Variants in RIMS2 observed in about 807,000 individuals in gnomAD.
RIMS2 encodes the protein regulating synaptic membrane exocytosis 2.
A neutral mutation model predicts 174.4 loss-of-function variants in RIMS2; 59 were observed. The observed-to-expected ratio is 0.34, with a 90% CI of 0.27 to 0.42. The LOEUF is 0.42. Ranked by LOEUF, RIMS2 falls within the 10% of genes least tolerant of loss-of-function variation. RIMS2 has a pLI of 1.00. For missense variants in RIMS2, 1,620 were observed against 1,666.3 expected, an observed-to-expected ratio of 0.97 and a Z score of 0.48; for synonymous variants, 606 against 572.5, an observed-to-expected ratio of 1.06 and a Z score of -0.84.
At chr8:103,975,126 T>G (rs909364900) in intron 15 of RIMS2, among the ~76,000 whole-genome samples, 2 of 152,196 alleles carry the variant, frequency 1.3e-5, no homozygotes, top group African/African-American at 4.8e-5. Flanking sequence ...CACAATGCCT[T>G]GGATATAGTA....
At chr8:103,768,156 G>A (rs1160463963) in intron 3 of RIMS2, 2 of 342,762 alleles carry the variant, frequency 5.8e-6, no homozygotes, top group Non-Finnish European at 5.6e-6. Context: ...TAATGGTCAA[G>A]GTATATGAAA....
chr8:103,527,823 C>G (rs1230670389), intron 1 of RIMS2, among the ~76,000 whole-genome samples: 1 of 152,318 alleles, frequency 6.6e-6, no homozygotes, highest in East Asian at 1.9e-4. Flanking sequence ...CAAGTCTTTG[C>G]TATTGTGAAT....
chr8:104,199,945 A>G (rs1173076324), intron 19 of RIMS2, among the ~76,000 whole-genome samples: 2 of 152,204 alleles, frequency 1.3e-5, no homozygotes, highest in Non-Finnish European at 2.9e-5. Context: ...GAAAGGAGGT[A>G]GGGAATGGCA....
intron 4 of RIMS2, among the ~76,000 whole-genome samples, chr8:103,903,879 G>A (rs1038715871): frequency 3.3e-5 from 5 of 152,140 alleles, no homozygotes; most frequent in Admixed American, 6.6e-5. Context: ...AAGTTGGAAA[G>A]ATAGTTCAGT....
Position 104,212,389 on chromosome 8 carries a change from G to A in RIMS2, c.3335-32527G>A, listed in dbSNP as rs936304039. 1.6e-4 allele frequency among the ~76,000 whole-genome samples: 25 copies of A among 152,060 alleles called. No individual in the cohort carries two copies. The East Asian group carries it at 4.4e-3, about 27-fold the overall frequency. On this transcript the variant is annotated intron_variant, in intron 19 of 23. Coordinates refer to ENST00000504942, the Ensembl canonical transcript of RIMS2. ...TTTTAAGAGGATGCCACAAAGATAG[G>A]AAGAAAACTTACAAGAATGTAATCC...
chr8:103,991,252 G>A (rs2094678133), intron 17 of RIMS2, among the ~76,000 whole-genome samples: 1 of 151,412 alleles, frequency 6.6e-6, no homozygotes, highest in African/African-American at 2.4e-5. Context: ...CTCTTTTAGA[G>A]CACTGTCAAT....
chr8:103,587,425 AAAGAAAG>A (rs2093995282), intron 1 of RIMS2, among the ~76,000 whole-genome samples: 1 of 113,462 alleles, frequency 8.8e-6, no homozygotes, highest in Non-Finnish European at 1.9e-5. Flanking sequence ...AGAAAGAAAG[AAAGAAAG>A]AAAGAAAGAA....
In RIMS2 at chr8:103,795,534, C is replaced by G. The variant is rs568444179; in HGVS notation, c.698+28997C>G. The stretch of plus-strand genomic sequence containing the variant: ...ACATGGCACATGTGTACATGTATAA[C>G]AAACCTGCACGTTGTGTACATGTAT... On this transcript the variant is annotated intron_variant, in intron 3 of 23. Transcript: ENST00000504942. 5.3e-5 allele frequency among the ~76,000 whole-genome samples: 8 copies of G among 152,106 alleles called. No homozygotes were observed. In the East Asian group the frequency reaches 1.5e-3, roughly 29 times the overall value.
At chr8:103,602,321 G>A (rs1180637401) in intron 1 of RIMS2, among the ~76,000 whole-genome samples, 2 of 152,114 alleles carry the variant, frequency 1.3e-5, no homozygotes, top group African/African-American at 2.4e-5. Flanking sequence ...TTATTTTTAG[G>A]TTTGGGGTTA....
intron 1 of RIMS2, among the ~76,000 whole-genome samples, chr8:103,546,810 G>A (rs953733684): frequency 2.6e-5 from 4 of 152,152 alleles, no homozygotes; most frequent in East Asian, 3.8e-4. Context: ...CCAGCCCCAC[G>A]AAGCAGTCCC....
chr8:104,226,724 T>G (rs979340311), intron 19 of RIMS2, among the ~76,000 whole-genome samples: 4 of 152,176 alleles, frequency 2.6e-5, no homozygotes, highest in Non-Finnish European at 5.9e-5. Context: ...AAACATTGAT[T>G]CAGGTGTCAG....
chr8:103,831,464 T>C (rs550944708), intron 3 of RIMS2, among the ~76,000 whole-genome samples: 2 of 152,314 alleles, frequency 1.3e-5, no homozygotes, highest in South Asian at 2.1e-4. Context: ...CTTGTGTAAC[T>C]GAATAGTCCA....
chr8:104,109,101 T>A (rs539154403), intron 19 of RIMS2, among the ~76,000 whole-genome samples: 1 of 151,784 alleles, frequency 6.6e-6, no homozygotes, highest in South Asian at 2.1e-4. Flanking sequence ...ATCGAGACCA[T>A]CTTGGCTAAC....
intron 19 of RIMS2, among the ~76,000 whole-genome samples, chr8:104,030,157 C>G (rs1260059539): frequency 6.6e-6 from 1 of 151,998 alleles, no homozygotes; most frequent in African/African-American, 2.4e-5. Flanking sequence ...GATACCAGAG[C>G]ATTGTGTATG....
At chr8:103,789,990 G>A (rs2098482327) in intron 3 of RIMS2, among the ~76,000 whole-genome samples, 1 of 152,038 alleles carries the variant, frequency 6.6e-6, no homozygotes, top group African/African-American at 2.4e-5. Context: ...TCAAACTCCT[G>A]AGCTCAAGTG....
At chr8:103,825,772 G>C (rs953490023) in intron 3 of RIMS2, among the ~76,000 whole-genome samples, 1 of 151,908 alleles carries the variant, frequency 6.6e-6, no homozygotes, top group African/African-American at 2.4e-5. Flanking sequence ...GGATCATAGC[G>C]TGGGTGTATG....
upstream of RIMS2, chr8:103,500,622 C>T (rs1819210404): frequency 2.4e-6 from 1 of 423,892 alleles, no homozygotes; most frequent in Non-Finnish European, 4.2e-6. Flanking sequence ...TTCCCCTTTC[C>T]CTTGAACCGC....
At chr8:104,148,839 A>G (rs780593477) in intron 19 of RIMS2, 2 of 1,596,938 alleles carry the variant, frequency 1.3e-6, no homozygotes, top group Non-Finnish European at 1.7e-6. Flanking sequence ...TTCTCAGCTC[A>G]GCCAAACGGG....
intron 1 of RIMS2, among the ~76,000 whole-genome samples, chr8:103,600,862 T>G (rs2094702554): frequency 6.6e-6 from 1 of 152,202 alleles, no homozygotes; most frequent in South Asian, 2.1e-4. Flanking sequence ...CAACATTTGT[T>G]ATTGCCTGCC....
Sources: allele counts gnomAD v4.1 joint callset (sites outside exome capture counted in the v4.1 genomes callset), GRCh38; gene constraint gnomAD v4.1.1; transcripts MANE v1.5; gene names NCBI Gene and HGNC (gene_info 2026-07-23, HGNC 2026-07-21).